Variants in RASGRP3 observed in about 807,000 individuals in gnomAD.
RASGRP3 encodes ras guanyl-releasing protein 3.
A neutral mutation model predicts 82.7 loss-of-function variants in RASGRP3; 54 were observed. The observed-to-expected ratio is 0.65, with a 90% CI of 0.52 to 0.82. The LOEUF (loss-of-function observed/expected upper bound fraction) is 0.82, where lower values mean the gene tolerates loss of function less well. Among genes scored for constraint, RASGRP3 ranks in the 40% least tolerant of loss-of-function variants. The pLI is 0.00. For missense variants in RASGRP3, 861 were observed against 828.9 expected (o/e 1.04, Z -0.48); for synonymous variants, 309 against 300.5 (o/e 1.03, Z -0.29).
chr2:33,562,267 CTTT>C (rs71409631), intron 17 of RASGRP3, among the ~76,000 whole-genome samples: 1 of 127,066 alleles, frequency 7.9e-6, no homozygotes, highest in Non-Finnish European at 1.6e-5. Flanking sequence ...ATCTCTCTCT[CTTT>C]TTTTTTTTTT....
At chr2:33,463,592 CTTTTTTTTTTTTTT>C (rs56748259) in intron 2 of RASGRP3, among the ~76,000 whole-genome samples, 2 of 70,230 alleles carry the variant, frequency 2.8e-5, no homozygotes, top group Non-Finnish European at 5.4e-5. Flanking sequence ...CTCCTTCACT[CTTTTTTTTTTTTTT>C]TTTTTTTTTT....
At chr2:33,541,490 T>C (rs1027009389) in intron 12 of RASGRP3, among the ~76,000 whole-genome samples, 1 of 147,158 alleles carries the variant, frequency 6.8e-6, no homozygotes, top group Non-Finnish European at 1.5e-5. Context: ...TCCAGAAATA[T>C]TGTGGCTATT....
At chr2:33,449,483 C>A (rs557859373) in intron 2 of RASGRP3, among the ~76,000 whole-genome samples, 1 of 152,060 alleles carries the variant, frequency 6.6e-6, no homozygotes, top group Non-Finnish European at 1.5e-5. Context: ...ATATTTAGGC[C>A]GGGCGCGGTG....
At chr2:33,460,573 G>C (rs1348527372) in intron 2 of RASGRP3, among the ~76,000 whole-genome samples, 1 of 149,864 alleles carries the variant, frequency 6.7e-6, no homozygotes, top group African/African-American at 2.5e-5. Flanking sequence ...GGAGTGCAAT[G>C]GCGCGATCTC....
At position 33,440,414 on chromosome 2, in the gene RASGRP3, A is replaced by G. The variant is rs545224190; in HGVS notation, c.-385+3823A>G. Reference sequence around the variant, plus strand: ...ATCATTAATGAGAGGCAGATGGAAAATGGAACCACCATGTGTAGGGGCCAA... The same window carrying G: ...ATCATTAATGAGAGGCAGATGGAAAGTGGAACCACCATGTGTAGGGGCCAA... On this transcript the variant is annotated intron_variant, in intron 1 of 18. Transcript: ENST00000402538. Among the ~76,000 whole-genome samples, 198 of 152,306 alleles carry G rather than the reference A, an allele frequency of 1.3e-3. 1 individual carries two copies. Among genetic ancestry groups the G allele is most frequent in the African/African-American group, 4.6e-3 (193 of 41,570 alleles).
chr2:33,530,325 T>C (rs1672988431), intron 10 of RASGRP3, among the ~76,000 whole-genome samples: 1 of 152,252 alleles, frequency 6.6e-6, no homozygotes, highest in African/African-American at 2.4e-5. Context: ...CATCAACAAT[T>C]ATGAAATGCC....
intron 2 of RASGRP3, among the ~76,000 whole-genome samples, chr2:33,457,151 G>T (rs1349919494): frequency 6.6e-6 from 1 of 152,004 alleles, no homozygotes; most frequent in South Asian, 2.1e-4. Flanking sequence ...GGTTACAGGT[G>T]CGAGCCGCCA....
At chr2:33,468,238 A>G (rs1022681225) in intron 2 of RASGRP3, among the ~76,000 whole-genome samples, 3 of 151,994 alleles carry the variant, frequency 2.0e-5, no homozygotes, top group Non-Finnish European at 4.4e-5. Flanking sequence ...GTGACCCCCA[A>G]CTCCCAGAAA....
At chr2:33,522,236 A>G (rs1672107820) in intron 7 of RASGRP3, 134 bp downstream of exon 7, 15 of 946,034 alleles carry the variant, frequency 1.6e-5, no homozygotes, top group Non-Finnish European at 2.4e-5. Flanking sequence ...CTTAATTCAC[A>G]GGAACAATCC....
chr2:33,536,002 G>A (rs769338764), intron 11 of RASGRP3, among the ~76,000 whole-genome samples: 17 of 152,032 alleles, frequency 1.1e-4, no homozygotes, highest in Admixed American at 4.6e-4. Flanking sequence ...TATTAACTCC[G>A]TTAAGAAAAC....
intron 13 of RASGRP3, 32 bp downstream of exon 13, chr2:33,543,659 A>G (rs375481438): frequency 2.8e-6 from 4 of 1,413,530 alleles, no homozygotes; most frequent in Non-Finnish European, 2.0e-6. Flanking sequence ...TTTTAATGCA[A>G]CTATCCTAAA....
At chr2:33,524,301 C>T in intron 8 of RASGRP3, 131 bp from the exon 9 acceptor site, 1 of 727,750 alleles carries the variant, frequency 1.4e-6, no homozygotes, top group Non-Finnish European at 2.2e-6. Flanking sequence ...TCTATTTGTG[C>T]TTCATTTTAA....
In RASGRP3 at chr2:33,520,650, GA is replaced by G; in HGVS notation, c.339del (p.Lys113AsnfsTer17). 6.2e-7 allele frequency: 1 copy of G among 1,613,960 alleles called. No homozygotes were observed. Among genetic ancestry groups the G allele is most frequent in the Middle Eastern group, 1.6e-4 (1 of 6,062 alleles). On this transcript the variant is annotated frameshift_variant, in exon 6 of 18. Transcript: ENST00000403687. LOFTEE classifies it high-confidence loss of function. Reference sequence around the variant, plus strand: ...GGAAGTAGCTAGTCAACTAGGATATGAAAAACACGTCAGCCTCATCGACATA... The same window carrying G: ...GGAAGTAGCTAGTCAACTAGGATATGAAAACACGTCAGCCTCATCGACATA... ...FREVASQLGY[E>X]KHVSLIDISS...
intron 10 of RASGRP3, among the ~76,000 whole-genome samples, chr2:33,531,473 C>T (rs1673105068): frequency 6.6e-6 from 1 of 152,178 alleles, no homozygotes; most frequent in African/African-American, 2.4e-5. Context: ...GCTTTACATT[C>T]ACGGATAAGC....
intron 1 of RASGRP3, among the ~76,000 whole-genome samples, chr2:33,491,252 G>T (rs913237715): frequency 6.6e-6 from 1 of 152,070 alleles, no homozygotes; most frequent in Non-Finnish European, 1.5e-5. Flanking sequence ...GGAGGCAGAG[G>T]TTGCAGTGAG....
rs1371813406 is a variant in RASGRP3, at chr2:33,549,605, G to A, written c.1396G>A (p.Asp466Asn). 1 of 1,611,730 alleles carries A rather than the reference G, an allele frequency of 6.2e-7. No individual in the cohort carries two copies. The highest frequency in any genetic ancestry group is 1.1e-5 in the South Asian group (1 of 90,544). The change falls in exon 14 of 18, where the codon GAT becomes AAT. Residue 466 changes from aspartate to asparagine, a missense_variant and splice_region_variant. By Grantham distance (23) the Asp-to-Asn change is conservative (BLOSUM62 1). Transcript: ENST00000403687. ...TCCCTTCTTTGATTCTCTTAACAGG[G>A]ATGGCCTAATTAGTAAAGATGAAAT... ...DSFCVLDKDQ[D>N]GLISKDEMMA...
At chr2:33,517,261 G>A (rs966754966) in intron 4 of RASGRP3, among the ~76,000 whole-genome samples, 1 of 152,226 alleles carries the variant, frequency 6.6e-6, no homozygotes, top group East Asian at 1.9e-4. Context: ...ACATAATGCA[G>A]TCCAGAAAAG....
At chr2:33,479,733 C>T (rs995227952) in intron 1 of RASGRP3, among the ~76,000 whole-genome samples, 10 of 152,128 alleles carry the variant, frequency 6.6e-5, no homozygotes, top group African/African-American at 2.4e-4. Context: ...GGGCCATAAA[C>T]CTGTGGATTT....
chr2:33,457,170 C>G (rs1027286459), intron 2 of RASGRP3, among the ~76,000 whole-genome samples: 3 of 152,062 alleles, frequency 2.0e-5, no homozygotes, highest in African/African-American at 4.8e-5. Context: ...CATGCCGGAC[C>G]GCTAAGTGCT....
Sources: allele counts gnomAD v4.1 joint callset (sites outside exome capture counted in the v4.1 genomes callset), GRCh38; gene constraint gnomAD v4.1.1; transcripts MANE v1.5; gene names NCBI Gene and HGNC (gene_info 2026-07-23, HGNC 2026-07-21).